SLC35D1: variants seen among roughly 807,000 people sequenced by gnomAD.
SLC35D1 encodes the protein nucleotide sugar transporter SLC35D1.
A neutral mutation model predicts 46.7 loss-of-function variants in SLC35D1; 31 were observed. That is an observed-to-expected ratio of 0.66 (90% CI 0.50 to 0.90). The LOEUF (loss-of-function observed/expected upper bound fraction) is 0.90. SLC35D1 is among the 40% of genes least tolerant of loss of function. The pLI is 0.00. For missense variants in SLC35D1, 397 were observed against 426.2 expected, an observed-to-expected ratio of 0.93 and a Z score of 0.60; for synonymous variants, 195 against 164.6, an observed-to-expected ratio of 1.18 and a Z score of -1.41.
chr1:67,030,587 ATTTT>A (rs546746547), intron 8 of SLC35D1, among the ~76,000 whole-genome samples: 1 of 148,708 alleles, frequency 6.7e-6, no homozygotes, highest in Non-Finnish European at 1.5e-5. Flanking sequence ...ATTACTTTTA[ATTTT>A]TTTTTTTATC....
At chr1:66,975,730 A>C in the SLC35D1 span, among the ~76,000 whole-genome samples, 2 of 152,154 alleles carry the variant, frequency 1.3e-5, no homozygotes, top group Non-Finnish European at 2.9e-5. Flanking sequence ...ACAAATAGGT[A>C]CAGCACAGTA....
At chr1:67,050,308 A>G (rs1431208526) in intron 5 of SLC35D1, 125 bp downstream of exon 5, 2 of 709,094 alleles carry the variant, frequency 2.8e-6, no homozygotes, top group African/African-American at 1.8e-5. Context: ...AGCAGCCAAG[A>G]GAGAGGGTTG....
chr1:66,984,667 C>A, the SLC35D1 span: 108 of 1,613,728 alleles, frequency 6.7e-5, no homozygotes, highest in Non-Finnish European at 9.1e-5. Flanking sequence ...AAATAAGAAA[C>A]CACTTCATGC....
At chr1:66,973,133 T>C in the SLC35D1 span, 32 of 580,506 alleles carry the variant, frequency 5.5e-5, no homozygotes, top group African/African-American at 9.5e-5. Context: ...TGAGTAATTA[T>C]AGTAAGGCTG....
rs371110377 is a variant in SLC35D1 at position 67,047,597 on chromosome 1, C to T, written c.534-230G>A. Among the ~76,000 whole-genome samples, 7 of 152,312 alleles carry T rather than the reference C, an allele frequency of 4.6e-5. No homozygotes were observed. In the South Asian group the frequency reaches 6.2e-4, roughly 14 times the overall value. On this transcript the variant is annotated intron_variant, in intron 6 of 11. Transcript: ENST00000235345. ...TAACATTTAAACACATAATTAGCAACGGTCATTCATGTCATTTAATAGCAC... is the reference window on the plus strand; with the variant it reads ...TAACATTTAAACACATAATTAGCAATGGTCATTCATGTCATTTAATAGCAC...
intron 10 of SLC35D1, 123 bp downstream of exon 10, chr1:67,020,245 CA>C (rs1160103536): frequency 1.4e-6 from 1 of 697,262 alleles, no homozygotes; most frequent in Non-Finnish European, 2.6e-6. Flanking sequence ...CACAATTTGT[CA>C]AACTAAGACA....
At chr1:66,979,753 T>C in the SLC35D1 span, among the ~76,000 whole-genome samples, 1 of 151,894 alleles carries the variant, frequency 6.6e-6, no homozygotes, top group Non-Finnish European at 1.5e-5. Context: ...TCTTGTTTCC[T>C]TTGCCTTGGC....
the SLC35D1 span, among the ~76,000 whole-genome samples, chr1:66,982,485 C>T: frequency 1.4e-4 from 21 of 152,134 alleles, no homozygotes; most frequent in Admixed American, 2.6e-4. Flanking sequence ...ATAGTGTTTC[C>T]GTTTAAAATA....
chr1:66,985,199 G>A, the SLC35D1 span: 5 of 978,724 alleles, frequency 5.1e-6, no homozygotes, highest in Non-Finnish European at 4.9e-6. Flanking sequence ...TGGTAAATCT[G>A]AATGAACTAA....
intron 10 of SLC35D1, among the ~76,000 whole-genome samples, chr1:67,012,804 A>G (rs969740377): frequency 6.6e-6 from 1 of 152,276 alleles, no homozygotes; most frequent in South Asian, 2.1e-4. Flanking sequence ...CAAGTTGTAC[A>G]CTTTCACCAC....
chr1:66,977,599 C>T, the SLC35D1 span, among the ~76,000 whole-genome samples: 1 of 152,030 alleles, frequency 6.6e-6, no homozygotes, highest in African/African-American at 2.4e-5. Flanking sequence ...AATTTATTCC[C>T]ATGTTAAGAG....
At chr1:66,982,358 GAAT>G in the SLC35D1 span, among the ~76,000 whole-genome samples, 5 of 152,068 alleles carry the variant, frequency 3.3e-5, no homozygotes, top group African/African-American at 9.7e-5. Context: ...TAATAACCTT[GAAT>G]AATGAGAAAA....
chr1:66,975,479 T>TAACC, the SLC35D1 span, among the ~76,000 whole-genome samples: 1 of 152,010 alleles, frequency 6.6e-6, no homozygotes, highest in South Asian at 2.1e-4. Context: ...GTTAGCGGTT[T>TAACC]GGTGCCACTG....
the SLC35D1 span, chr1:66,988,307 AC>A: frequency 6.6e-6 from 1 of 152,358 alleles, no homozygotes; most frequent in Non-Finnish European, 1.5e-5. Context: ...TACTGATACA[AC>A]TTTTTACCGT....
chr1:67,028,369 T>C (rs1424961342), intron 8 of SLC35D1, among the ~76,000 whole-genome samples: 1 of 152,234 alleles, frequency 6.6e-6, no homozygotes, highest in Non-Finnish European at 1.5e-5. Context: ...GACAGTATTA[T>C]CCAAGTCTTC....
At chr1:66,987,307 T>G in the SLC35D1 span, 1 of 152,706 alleles carries the variant, frequency 6.5e-6, no homozygotes, top group Admixed American at 6.6e-5. Flanking sequence ...TTGCTTAAGA[T>G]TTAGTACATT....
At chr1:67,035,618 T>A (rs545024235) in intron 8 of SLC35D1, among the ~76,000 whole-genome samples, 1 of 151,580 alleles carries the variant, frequency 6.6e-6, no homozygotes, top group East Asian at 1.9e-4. Context: ...TGTCAATTTT[T>A]TCATTTCAGA....
the SLC35D1 span, chr1:66,988,715 T>C: frequency 5.3e-5 from 8 of 152,328 alleles, no homozygotes; most frequent in African/African-American, 1.9e-4. Flanking sequence ...AGATGGATTC[T>C]AATTGTCCAA....
At chr1:67,026,783 A>G (rs1423425746) in intron 8 of SLC35D1, among the ~76,000 whole-genome samples, 1 of 152,112 alleles carries the variant, frequency 6.6e-6, no homozygotes, top group African/African-American at 2.4e-5. Flanking sequence ...GGTTTAATTG[A>G]CTCACAGCTC....
Sources: gnomAD v4.1 joint callset for allele counts (sites outside exome capture counted in the v4.1 genomes callset) on GRCh38, gnomAD v4.1.1 for gene constraint, MANE v1.5 for transcripts, NCBI Gene and HGNC (gene_info 2026-07-23, HGNC 2026-07-21) for gene names.